RNF150: variants seen among roughly 807,000 people sequenced by gnomAD.
RNF150 encodes ring finger protein 150.
In RNF150, 24 loss-of-function variants were observed where a neutral mutation model predicts 39.3. That is an observed-to-expected ratio of 0.61 (90% CI 0.44 to 0.86). The LOEUF is 0.86. Among genes scored for constraint, RNF150 ranks in the 40% least tolerant of loss-of-function variants. The pLI is 0.00. For missense variants in RNF150, 502 were observed against 587.8 expected (o/e 0.85, Z 1.51); for synonymous variants, 255 against 227.3 (o/e 1.12, Z -1.10).
At chr4:140,963,987 T>G (rs996561165) in intron 2 of RNF150, among the ~76,000 whole-genome samples, 6 of 151,988 alleles carry the variant, frequency 3.9e-5, no homozygotes, top group African/African-American at 9.7e-5. Context: ...CCCATTAAAT[T>G]GAGGATGTTC....
At chr4:140,923,769 C>T (rs28445329) in intron 5 of RNF150, among the ~76,000 whole-genome samples, 83,529 of 151,960 alleles carry the variant, frequency 0.55, 23,457 homozygotes, top group East Asian at 0.89. Context: ...GGCACATATA[C>T]ACCATGGAAT....
rs1728514834 is a variant in RNF150 at position 140,862,108 on chromosome 4, C to T, written c.*6153G>A. 1 of 152,178 alleles carries T rather than the reference C, an allele frequency of 6.6e-6. No homozygotes were observed. Among genetic ancestry groups the T allele is most frequent in the South Asian group, 2.1e-4 (1 of 4,814 alleles). The allele number at this position is 152,178 out of a possible 1,614,324, so 9.4% of individuals were successfully genotyped here. On this transcript the variant is annotated 3_prime_UTR_variant, in exon 7 of 7. Coordinates refer to ENST00000515673, the MANE Select transcript of RNF150 (RefSeq NM_020724.2). Reference sequence around the variant, plus strand: ...ATGGTCCCCACATTACCCTGCTTCTCCAAGCCTGTCACTTCACTAAGGATA... The same window carrying T: ...ATGGTCCCCACATTACCCTGCTTCTTCAAGCCTGTCACTTCACTAAGGATA...
intron 1 of RNF150, among the ~76,000 whole-genome samples, chr4:141,145,968 T>C (rs544552911): frequency 1.1e-4 from 16 of 152,338 alleles, no homozygotes; most frequent in Admixed American, 6.5e-4. Context: ...TCAAGCATGT[T>C]CAGTGTCCCA....
chr4:140,898,298 T>C (rs1467776857), intron 6 of RNF150, among the ~76,000 whole-genome samples: 2 of 151,788 alleles, frequency 1.3e-5, no homozygotes, highest in Non-Finnish European at 2.9e-5. Context: ...TTTTGAGTTG[T>C]TCTTTCTCTT....
intron 4 of RNF150, among the ~76,000 whole-genome samples, chr4:140,946,636 G>A (rs1438698896): frequency 1.3e-5 from 2 of 152,036 alleles, no homozygotes; most frequent in African/African-American, 4.8e-5. Context: ...ACAGGCGAGT[G>A]CCACCATGTA....
At chr4:141,053,988 G>C (rs1736876445) in intron 1 of RNF150, among the ~76,000 whole-genome samples, 1 of 151,882 alleles carries the variant, frequency 6.6e-6, no homozygotes, top group Non-Finnish European at 1.5e-5. Context: ...CTGCATATTT[G>C]CTGTAAAAAA....
At chr4:140,955,294 C>G (rs746079104) in intron 2 of RNF150, among the ~76,000 whole-genome samples, 23 of 152,134 alleles carry the variant, frequency 1.5e-4, no homozygotes, top group Non-Finnish European at 3.1e-4. Flanking sequence ...TGCCATAAAT[C>G]TGTTTGTGAG....
At chr4:140,952,177 A>T (rs922831737) in intron 2 of RNF150, among the ~76,000 whole-genome samples, 2 of 150,538 alleles carry the variant, frequency 1.3e-5, no homozygotes, top group Admixed American at 1.3e-4. Flanking sequence ...CGCCTGGCTG[A>T]TTTTTTTTTG....
chr4:140,984,359 T>G (rs913962840), intron 1 of RNF150, among the ~76,000 whole-genome samples: 2 of 152,060 alleles, frequency 1.3e-5, no homozygotes, highest in Non-Finnish European at 2.9e-5. Context: ...TATGAAAAGG[T>G]TTTTAGACTA....
In RNF150 at chr4:141,027,952, T is replaced by TTTTTTTTTG. The variant is rs1553938684; in HGVS notation, c.485-60080_485-60079insCAAAAAAAA. Among the ~76,000 whole-genome samples the TTTTTTTTTG allele has an allele frequency of 2.6e-3, 186 of 71,582 alleles. 49 individuals carry two copies. Among genetic ancestry groups the TTTTTTTTTG allele is most frequent in the Non-Finnish European group, 3.8e-3 (131 of 34,316 alleles). The allele number at this position is 71,582 out of a possible 152,430, so 47.0% of individuals were successfully genotyped here. Reference sequence around the variant, plus strand: ...TTTTTTTTTTTTTTTTTTTTTTTTTTCAATCCTGCTGGATCAAGATGTATA... The same window carrying TTTTTTTTTG: ...TTTTTTTTTTTTTTTTTTTTTTTTTTTTTTTTTTGCAATCCTGCTGGATCAAGATGTATA... On this transcript the variant is annotated intron_variant, in intron 1 of 6. Coordinates refer to ENST00000515673, the MANE Select transcript of RNF150 (RefSeq NM_020724.2).
intron 1 of RNF150, among the ~76,000 whole-genome samples, chr4:140,969,995 C>G (rs996553900): frequency 1.1e-4 from 16 of 152,048 alleles, no homozygotes; most frequent in African/African-American, 3.6e-4. Context: ...AACTCCTGAC[C>G]TCAACTGATC....
chr4:141,188,347 G>A (rs976752255), intron 1 of RNF150, among the ~76,000 whole-genome samples: 3 of 152,156 alleles, frequency 2.0e-5, no homozygotes, highest in Admixed American at 6.5e-5. Flanking sequence ...TTCTTGAGGA[G>A]TATCTTTGTG....
At position 141,133,048 on chromosome 4, in the gene RNF150, C is replaced by CG. The variant is rs1177213095; in HGVS notation, c.-241dup. ...GGTTGCATTTTGCTTCTTGGGCGCC[C>CG]GGGGGGCGCGGGAACAGAGGGCCCG... On this transcript the variant is annotated 5_prime_UTR_variant, in exon 1 of 7. An upstream open reading frame in the 5' UTR loses its in-frame stop. Coordinates refer to ENST00000515673, the MANE Select transcript of RNF150 (RefSeq NM_020724.2). The CG allele has an allele frequency of 5.6e-5, 24 of 430,956 alleles. No homozygotes were observed. The highest frequency in any genetic ancestry group is 2.3e-4 in the South Asian group (9 of 38,464). The allele number at this position is 430,956 out of a possible 1,614,324, so 26.7% of individuals were successfully genotyped here.
At chr4:141,024,936 T>A (rs941904340) in intron 1 of RNF150, among the ~76,000 whole-genome samples, 2 of 152,182 alleles carry the variant, frequency 1.3e-5, no homozygotes, top group African/African-American at 4.8e-5. Context: ...GGGAGTCTGG[T>A]TAATGTATAA....
At chr4:141,003,465 G>A (rs919464808) in intron 1 of RNF150, among the ~76,000 whole-genome samples, 2 of 151,898 alleles carry the variant, frequency 1.3e-5, no homozygotes, top group South Asian at 4.2e-4. Context: ...GAACATAAAT[G>A]GCTTCTACTT....
At chr4:140,982,111 C>A (rs9884337) in intron 1 of RNF150, among the ~76,000 whole-genome samples, 5,228 of 152,220 alleles carry the variant, frequency 0.034, 317 homozygotes, top group African/African-American at 0.12. Context: ...CATTGGTCAA[C>A]GAATATACAG....
chr4:141,047,058 G>C (rs887772557), intron 1 of RNF150, among the ~76,000 whole-genome samples: 5 of 152,084 alleles, frequency 3.3e-5, no homozygotes, highest in Non-Finnish European at 7.4e-5. Context: ...TCAGAAGCCA[G>C]GTACCCCCTC....
intron 6 of RNF150, among the ~76,000 whole-genome samples, chr4:140,899,750 A>G (rs1320789876): frequency 6.6e-6 from 1 of 152,106 alleles, no homozygotes; most frequent in Non-Finnish European, 1.5e-5. Flanking sequence ...TGTGTCCTGG[A>G]GAGATGTGGG....
At chr4:140,974,138 T>G (rs1733571339) in intron 1 of RNF150, among the ~76,000 whole-genome samples, 1 of 152,160 alleles carries the variant, frequency 6.6e-6, no homozygotes, top group Non-Finnish European at 1.5e-5. Context: ...CTAACACAAT[T>G]AAGACACTGA....
Sources: gnomAD v4.1 joint callset for allele counts (sites outside exome capture counted in the v4.1 genomes callset) on GRCh38, gnomAD v4.1.1 for gene constraint, MANE v1.5 for transcripts, NCBI Gene and HGNC (gene_info 2026-07-23, HGNC 2026-07-21) for gene names.